ACER3: variants seen among roughly 807,000 people sequenced by gnomAD.
ACER3 encodes alkCDase 3.
Under a neutral mutation model 48.9 loss-of-function variants are expected in ACER3, and 16 were observed. The ratio of observed to expected loss-of-function variants is 0.33; its 90% CI spans 0.22 to 0.50. ACER3 has a LOEUF of 0.50. Ranked by LOEUF, ACER3 falls within the 20% of genes least tolerant of loss-of-function variation. ACER3 has a pLI of 0.98. For missense variants in ACER3, 227 were observed against 326.0 expected (o/e 0.70, Z 2.34); for synonymous variants, 109 against 107.8 (o/e 1.01, Z -0.07).
intron 2 of ACER3, among the ~76,000 whole-genome samples, chr11:76,932,823 A>G (rs79852585): frequency 0.025 from 3,746 of 152,290 alleles, 139 homozygotes; most frequent in African/African-American, 0.082. Context: ...TTGAAAAACT[A>G]TATGGAAAAG....
chr11:76,958,845 C>CTG, intron 2 of ACER3, 134 bp from the exon 3 acceptor site: 1 of 915,196 alleles, frequency 1.1e-6, no homozygotes, highest in South Asian at 1.6e-5. Flanking sequence ...CAAGAGTCAG[C>CTG]TATATCTTGC....
At chr11:76,940,046 C>T (rs762206884) in intron 2 of ACER3, among the ~76,000 whole-genome samples, 3 of 152,142 alleles carry the variant, frequency 2.0e-5, no homozygotes, top group East Asian at 3.9e-4. Context: ...TTAGGAGATA[C>T]ATCCTGAAGT....
chr11:76,943,564 T>C (rs765180114), intron 2 of ACER3, among the ~76,000 whole-genome samples: 4 of 152,054 alleles, frequency 2.6e-5, no homozygotes, highest in African/African-American at 2.4e-5. Flanking sequence ...TTAAGACTTA[T>C]TTTGTGGCCT....
intron 3 of ACER3, among the ~76,000 whole-genome samples, chr11:76,970,102 A>G (rs963452089): frequency 6.6e-6 from 1 of 152,068 alleles, no homozygotes. Flanking sequence ...TGTCAGTCTT[A>G]TGATCTCTAT....
chr11:76,892,684 T>C (rs1295717883), intron 1 of ACER3, among the ~76,000 whole-genome samples: 2 of 152,120 alleles, frequency 1.3e-5, no homozygotes, highest in Non-Finnish European at 2.9e-5. Flanking sequence ...GATTTGGGAA[T>C]TTTTTTTAAA....
At chr11:76,949,896 C>T (rs922020185) in intron 2 of ACER3, among the ~76,000 whole-genome samples, 1 of 152,174 alleles carries the variant, frequency 6.6e-6, no homozygotes, top group Non-Finnish European at 1.5e-5. Context: ...TTGCTAGGTT[C>T]GTCTTCCGTA....
At chr11:76,877,798 A>T (rs1431900747) in intron 1 of ACER3, among the ~76,000 whole-genome samples, 1 of 152,122 alleles carries the variant, frequency 6.6e-6, no homozygotes, top group Non-Finnish European at 1.5e-5. Flanking sequence ...GATAACCAGT[A>T]TACTTAATTT....
intron 4 of ACER3, among the ~76,000 whole-genome samples, chr11:76,985,392 T>C (rs1437472049): frequency 6.6e-6 from 1 of 152,176 alleles, no homozygotes; most frequent in Admixed American, 6.5e-5. Flanking sequence ...ACTGAATTGA[T>C]TCAGTCTCTC....
chr11:76,891,237 TTATATATATAA>T (rs6144400), intron 1 of ACER3, among the ~76,000 whole-genome samples: 84,515 of 147,128 alleles, frequency 0.57, 27,461 homozygotes, highest in Non-Finnish European at 0.74. Context: ...TTGTGATATT[TTATATATATAA>T]TATATATATA....
At chr11:76,947,872 G>A (rs960844687) in intron 2 of ACER3, among the ~76,000 whole-genome samples, 2 of 152,144 alleles carry the variant, frequency 1.3e-5, no homozygotes, top group Non-Finnish European at 2.9e-5. Context: ...GTTTAACCTA[G>A]TAGCCCAAAC....
At position 77,024,587 on chromosome 11, in the gene ACER3, A is replaced by C. The variant is rs1949524811; in HGVS notation, c.*4260A>C. 6.6e-6 allele frequency: 1 copy of C among 152,256 alleles called. No homozygotes were observed. Among genetic ancestry groups the C allele is most frequent in the Admixed American group, 6.5e-5 (1 of 15,286 alleles). The allele number at this position is 152,256 out of a possible 1,614,324, so 9.4% of individuals were successfully genotyped here. ...GGGACAACAAGTTTCACCAAGGCACAGTCTTCTCTGATAGGCCAGCAGAGC... is the reference window on the plus strand; with the variant it reads ...GGGACAACAAGTTTCACCAAGGCACCGTCTTCTCTGATAGGCCAGCAGAGC... On this transcript the variant is annotated 3_prime_UTR_variant, in exon 11 of 11. Coordinates refer to ENST00000532485, the MANE Select transcript of ACER3 (RefSeq NM_018367.7).
intron 1 of ACER3, among the ~76,000 whole-genome samples, chr11:76,905,944 T>C (rs1946219290): frequency 6.6e-6 from 1 of 152,234 alleles, no homozygotes; most frequent in African/African-American, 2.4e-5. Context: ...CATCTGGAAA[T>C]GCATGAAGGG....
intron 1 of ACER3, among the ~76,000 whole-genome samples, chr11:76,883,177 C>T (rs1224542735): frequency 6.6e-6 from 1 of 152,208 alleles, no homozygotes; most frequent in African/African-American, 2.4e-5. Context: ...GCTTCTTACA[C>T]TCCGGTGCTT....
Position 76,914,380 on chromosome 11 carries a change from C to T in ACER3, c.104-12177C>T, listed in dbSNP as rs577221269. Among the ~76,000 whole-genome samples the T allele has an allele frequency of 3.7e-4, 57 of 152,144 alleles. 1 individual carries two copies. The highest frequency in any genetic ancestry group is 2.1e-3 in the South Asian group (10 of 4,806). ...AAAAACAACCCCATCAAAAAGTGGG[C>T]GAAGGATATGAACAGACACTTCTCA... On this transcript the variant is annotated intron_variant, in intron 1 of 10. Coordinates refer to ENST00000532485, the MANE Select transcript of ACER3 (RefSeq NM_018367.7).
At chr11:76,965,970 A>C (rs1260575855) in intron 3 of ACER3, among the ~76,000 whole-genome samples, 1 of 151,318 alleles carries the variant, frequency 6.6e-6, no homozygotes, top group Non-Finnish European at 1.5e-5. Context: ...ATTAACCTTA[A>C]ATGTAAATGG....
chr11:77,002,046 CT>C (rs557809706), intron 7 of ACER3, among the ~76,000 whole-genome samples: 63 of 152,230 alleles, frequency 4.1e-4, no homozygotes, highest in African/African-American at 1.5e-3. Context: ...TCTGATTTCT[CT>C]GTGTGTTTGT....
chr11:76,951,188 A>G (rs1046424923), intron 2 of ACER3, among the ~76,000 whole-genome samples: 1 of 152,192 alleles, frequency 6.6e-6, no homozygotes, highest in Non-Finnish European at 1.5e-5. Context: ...CTTATTTTTT[A>G]TCACAAGATT....
At chr11:76,884,077 G>A (rs903749038) in intron 1 of ACER3, among the ~76,000 whole-genome samples, 1 of 152,158 alleles carries the variant, frequency 6.6e-6, no homozygotes, top group Non-Finnish European at 1.5e-5. Flanking sequence ...TGTTATGGTA[G>A]TTGTTTGGTT....
At chr11:76,863,464 G>A (rs1296445452) in intron 1 of ACER3, among the ~76,000 whole-genome samples, 2 of 152,100 alleles carry the variant, frequency 1.3e-5, no homozygotes, top group African/African-American at 2.4e-5. Context: ...ATGCACCTTG[G>A]GAGAAAATCA....
Sources: allele counts gnomAD v4.1 joint callset (sites outside exome capture counted in the v4.1 genomes callset), GRCh38; gene constraint gnomAD v4.1.1; transcripts MANE v1.5; gene names NCBI Gene and HGNC (gene_info 2026-07-23, HGNC 2026-07-21).